Variants in C5orf46 observed in about 807,000 individuals in gnomAD.
C5orf46 encodes the protein uncharacterized protein C5orf46.
A neutral mutation model predicts 8.9 loss-of-function variants in C5orf46; 9 were observed. The observed-to-expected ratio is 1.01, with a 90% CI of 0.61 to 1.76. The LOEUF (loss-of-function observed/expected upper bound fraction) is 1.76, where lower values mean the gene tolerates loss of function less well. Among genes scored for constraint, C5orf46 ranks in the 40% most tolerant of loss-of-function variants. The pLI is 0.00. For missense variants in C5orf46, 98 were observed against 107.8 expected (o/e 0.91, Z 0.40); for synonymous variants, 47 against 41.4 (o/e 1.14, Z -0.52).
chr5:147,905,467 T>TA (rs1757736865), intron 1 of C5orf46, among the ~76,000 whole-genome samples: 1 of 152,226 alleles, frequency 6.6e-6, no homozygotes, highest in Non-Finnish European at 1.5e-5. Context: ...ATGGACTGAA[T>TA]AATATCCGTG....
chr5:147,901,404 C>A (rs1757666734), intron 2 of C5orf46: 6 of 344,632 alleles, frequency 1.7e-5, no homozygotes, highest in Non-Finnish European at 2.6e-5. Context: ...AAAAAAAAAT[C>A]CTGTATGGAA....
intron 1 of C5orf46, among the ~76,000 whole-genome samples, chr5:147,903,875 G>A (rs929212239): frequency 6.6e-6 from 1 of 152,150 alleles, no homozygotes; most frequent in Non-Finnish European, 1.5e-5. Flanking sequence ...AGCCTCCTGA[G>A]TAGCAGGGAC....
In C5orf46 at chr5:147,897,174, A is replaced by G. The variant is rs1215177106; in HGVS notation, c.216-133T>C. On this transcript the variant is annotated intron_variant, in intron 2 of 3. Coordinates refer to ENST00000318315, the MANE Select transcript of C5orf46 (RefSeq NM_206966.3). ...TTTTTCTATGTCAGAAAGAAATAAG[A>G]CCTAAAATTTCTACATAGTTCATAG... The G allele has an allele frequency of 1.1e-5, 5 of 436,914 alleles. No individual in the cohort carries two copies. The East Asian group carries it at 1.7e-4, about 15-fold the overall frequency. The allele number at this position is 436,914 out of a possible 1,614,324, so 27.1% of individuals were successfully genotyped here.
chr5:147,899,319 A>C (rs1162351830), intron 2 of C5orf46, among the ~76,000 whole-genome samples: 2 of 152,146 alleles, frequency 1.3e-5, no homozygotes, highest in African/African-American at 4.8e-5. Context: ...GTGCTTAGCA[A>C]TACTTTCTGA....
intron 1 of C5orf46, among the ~76,000 whole-genome samples, chr5:147,903,455 C>A (rs1757702559): frequency 6.6e-6 from 1 of 152,160 alleles, no homozygotes; most frequent in Admixed American, 6.5e-5. Flanking sequence ...GAAGTCCCAA[C>A]TTCTAGACAA....
rs570296930 is a variant in C5orf46, at chr5:147,893,959, A to G, written c.*10-1020T>C. Among the ~76,000 whole-genome samples, 15 of 151,218 alleles carry G rather than the reference A, an allele frequency of 9.9e-5. No individual in the cohort carries two copies. The South Asian group carries it at 2.1e-3, about 21-fold the overall frequency. On this transcript the variant is annotated intron_variant, in intron 3 of 3. Coordinates refer to ENST00000318315, the MANE Select transcript of C5orf46 (RefSeq NM_206966.3). ...AAAGAAAAATTTTCCATAAGACTTC[A>G]TGAAAACGTAATCAAGTGACATTGT... is the stretch of plus-strand genomic sequence containing the variant.
intron 3 of C5orf46, among the ~76,000 whole-genome samples, chr5:147,894,175 A>G (rs1032310848): frequency 6.6e-6 from 1 of 152,142 alleles, no homozygotes; most frequent in East Asian, 1.9e-4. Flanking sequence ...CTTTCTATCC[A>G]TTACCTCTTT....
At chr5:147,905,894 G>T (rs1757743565) in intron 1 of C5orf46, among the ~76,000 whole-genome samples, 1 of 152,180 alleles carries the variant, frequency 6.6e-6, no homozygotes, top group Non-Finnish European at 1.5e-5. Context: ...GACAACAATA[G>T]CAGGTAGTAT....
At chr5:147,886,023 C>G (rs1053423022) in intron 2 of C5orf46, 1 of 152,110 alleles carries the variant, frequency 6.6e-6, no homozygotes, top group African/African-American at 2.4e-5. Flanking sequence ...TTTATATACA[C>G]AGTAACCTGG....
chr5:147,896,758 C>T (rs1164274533), intron 3 of C5orf46, among the ~76,000 whole-genome samples: 1 of 152,070 alleles, frequency 6.6e-6, no homozygotes, highest in Non-Finnish European at 1.5e-5. Flanking sequence ...TCCAAACTTG[C>T]CATCCTTATT....
intron 2 of C5orf46, among the ~76,000 whole-genome samples, chr5:147,898,500 G>T (rs1372407373): frequency 6.6e-6 from 1 of 152,078 alleles, no homozygotes; most frequent in Non-Finnish European, 1.5e-5. Flanking sequence ...AAAAACGATG[G>T]AATTTTGTAG....
chr5:147,896,565 G>A (rs533198293), intron 3 of C5orf46, among the ~76,000 whole-genome samples: 3 of 152,246 alleles, frequency 2.0e-5, no homozygotes, highest in South Asian at 2.1e-4. Context: ...ATCTAACTGC[G>A]TGAGATAGAA....
intron 2 of C5orf46, among the ~76,000 whole-genome samples, chr5:147,900,492 C>T (rs1757650209): frequency 6.6e-6 from 1 of 152,190 alleles, no homozygotes; most frequent in Non-Finnish European, 1.5e-5. Flanking sequence ...ATAAATCACA[C>T]TGACACAAAA....
chr5:147,893,906 T>C (rs1231595847), intron 3 of C5orf46, among the ~76,000 whole-genome samples: 1 of 143,484 alleles, frequency 7.0e-6, no homozygotes, highest in African/African-American at 3.0e-5. Flanking sequence ...AGGGAAGGCA[T>C]ATTTTTTTTT....
intron 2 of C5orf46, chr5:147,887,131 C>G (rs560125371): frequency 6.6e-6 from 1 of 152,120 alleles, no homozygotes; most frequent in Non-Finnish European, 1.5e-5. Context: ...TACAACCAGA[C>G]AGGTAAGTAC....
intron 1 of C5orf46, among the ~76,000 whole-genome samples, chr5:147,903,807 A>T (rs1193286731): frequency 6.6e-6 from 1 of 152,178 alleles, no homozygotes; most frequent in Non-Finnish European, 1.5e-5. Flanking sequence ...AAGGGCAGTG[A>T]AGTGATTACA....
At chr5:147,890,165 C>T (rs752801919), downstream of C5orf46, among the ~76,000 whole-genome samples, 1 of 152,078 alleles carries the variant, frequency 6.6e-6, no homozygotes, top group African/African-American at 2.4e-5. Context: ...TATGCTGCAC[C>T]GTGTTGAGTA....
chr5:147,897,115 G>A lies in C5orf46; in HGVS notation c.216-74C>T, dbSNP rs1757593247. 6.1e-6 allele frequency: 4 copies of A among 651,194 alleles called. No individual in the cohort carries two copies. In the East Asian group the frequency reaches 1.2e-4, roughly 20 times the overall value. 40.3% of individuals were successfully genotyped at this position (651,194 alleles called of 1,614,324 possible). On this transcript the variant is annotated intron_variant, in intron 2 of 3. Transcript: ENST00000318315. ...GTGTTAGAATGATCACTAAGGCGCTGTATAATGTTTGAGCCACACTGTTCT... is the reference window on the plus strand; with the variant it reads ...GTGTTAGAATGATCACTAAGGCGCTATATAATGTTTGAGCCACACTGTTCT...
intron 1 of C5orf46, among the ~76,000 whole-genome samples, chr5:147,905,627 G>A (rs6859879): frequency 0.25 from 38,466 of 152,142 alleles, 8,746 homozygotes; most frequent in African/African-American, 0.61. Context: ...CAGACAAACA[G>A]TAAATTAATT....
Sources: gnomAD v4.1 joint callset for allele counts (sites outside exome capture counted in the v4.1 genomes callset) on GRCh38, gnomAD v4.1.1 for gene constraint, MANE v1.5 for transcripts, NCBI Gene and HGNC (gene_info 2026-07-23, HGNC 2026-07-21) for gene names.